KDM5A: variants seen among roughly 807,000 people sequenced by gnomAD.
KDM5A encodes lysine-specific demethylase 5A.
In KDM5A, 42 loss-of-function variants were observed where a neutral mutation model predicts 193.5. The ratio of observed to expected loss-of-function variants is 0.22; its 90% CI spans 0.17 to 0.28. The LOEUF is 0.28. Among genes scored for constraint, KDM5A ranks in the 10% least tolerant of loss-of-function variants. The pLI is 1.00. For synonymous variants in KDM5A, 796 were observed against 718.1 expected (o/e 1.11, Z -1.73); for missense variants, 1,692 against 2,055.1 (o/e 0.82, Z 3.42).
Position 318,091 on chromosome 12 carries a change from C to T in KDM5A, c.2897+15G>A, listed in dbSNP as rs1341265523. ...TTAGTTGTTAAAGAGGCAACTGTCA[C>T]CAAAATGTGTTCACCTTGCCTGTAG... On this transcript the variant is annotated intron_variant, in intron 19 of 27. Transcript: ENST00000399788. The T allele has an allele frequency of 6.2e-7, 1 of 1,604,040 alleles. No individual in the cohort carries two copies. The highest frequency in any genetic ancestry group is 2.2e-5 in the East Asian group (1 of 44,866).
In KDM5A at chr12:389,302, C is replaced by T. The variant is rs1446524140; in HGVS notation, c.-211G>A. Reference sequence around the variant, plus strand: ...TTTCCACTGAGGTTCAGGACTTTTCCGGAAGTTACCGTGCTGTCAAATCCC... The same window carrying T: ...TTTCCACTGAGGTTCAGGACTTTTCTGGAAGTTACCGTGCTGTCAAATCCC... On this transcript the variant is annotated 5_prime_UTR_variant, in exon 1 of 28. Transcript: ENST00000399788. 1.0e-5 allele frequency: 7 copies of T among 686,060 alleles called. No individual in the cohort carries two copies. The highest frequency in any genetic ancestry group is 1.6e-5 in the Non-Finnish European group (6 of 376,800). The allele number at this position is 686,060 out of a possible 1,614,324, so 42.5% of individuals were successfully genotyped here.
At chr12:387,100 G>A (rs556138586) in intron 1 of KDM5A, 15 of 192,148 alleles carry the variant, frequency 7.8e-5, no homozygotes, top group African/African-American at 2.9e-4. Context: ...CGCAGAACAA[G>A]GACAATTTCC....
intron 24 of KDM5A, among the ~76,000 whole-genome samples, chr12:302,073 A>G (rs553323533): frequency 1.3e-3 from 196 of 152,354 alleles, no homozygotes; most frequent in African/African-American, 4.6e-3. Context: ...GGAAGAATCA[A>G]TATCATGAAA....
intron 10 of KDM5A, among the ~76,000 whole-genome samples, chr12:343,346 C>A (rs1437227916): frequency 6.6e-6 from 1 of 152,230 alleles, no homozygotes; most frequent in African/African-American, 2.4e-5. Context: ...CTGGGCAGGG[C>A]ATGGCTGAAC....
chr12:318,665 T>C (rs546985941), intron 18 of KDM5A, among the ~76,000 whole-genome samples: 1 of 152,352 alleles, frequency 6.6e-6, no homozygotes, highest in East Asian at 1.9e-4. Flanking sequence ...TTTTAAAATA[T>C]AGTTGATTCA....
At position 280,478 on chromosome 12, in the gene KDM5A, C is replaced by T. The variant is rs532852568; in HGVS notation, c.*4978G>A. 8.6e-6 allele frequency: 2 copies of T among 232,948 alleles called. No homozygotes were observed. The highest frequency in any genetic ancestry group is 8.5e-6 in the Non-Finnish European group (1 of 117,974). The allele number at this position is 232,948 out of a possible 1,614,324, so 14.4% of individuals were successfully genotyped here. A position where few individuals can be genotyped will look rare whatever the true frequency, so the allele number is the denominator to read the frequency against. ...CCCTGCCCCCGCTCTTTCAACCAAC[C>T]CTCCTCCTAACATACACATACAGAG... On this transcript the variant is annotated 3_prime_UTR_variant, in exon 28 of 28. Transcript: ENST00000399788.
chr12:295,724 A>G lies in KDM5A; in HGVS notation c.4304T>C (p.Leu1435Pro). The change falls in exon 26 of 28, where the codon CTG (leucine) becomes CCG (proline). Residue 1435 changes from leucine (L) to proline (P), a missense_variant. Leu to Pro is a moderately conservative substitution (Grantham distance 98). Transcript: ENST00000399788. Reference sequence around the variant, plus strand: ...TGCCTTAGCTCCAGGTGACAACTCCAGCACTGGAGGTTCCAAACTTCGGGG... The same window carrying G: ...TGCCTTAGCTCCAGGTGACAACTCCGGCACTGGAGGTTCCAAACTTCGGGG... ...LVPRSLEPPV[L>P]ELSPGAKAQL... 1 of 1,614,126 alleles carries G rather than the reference A, an allele frequency of 6.2e-7. No homozygotes were observed. Among genetic ancestry groups the G allele is most frequent in the Non-Finnish European group, 8.5e-7 (1 of 1,180,010 alleles).
Position 350,669 on chromosome 12 carries a change from A to G in KDM5A, c.1260T>C (p.Ser420=). The change falls in exon 10 of 28, where the codon AGT becomes AGC. Residue 420 remains serine, a synonymous_variant. Transcript: ENST00000399788. ...TCCGCCCATCCTTCACCGGAAATCC[A>G]CTTCCAAAGTCTTTTGAGGAGATAT... ...GADISSKDFG[S]GFPVKDGRRK... is the part of the protein sequence containing the mutation. The G allele has an allele frequency of 6.2e-7, 1 of 1,614,082 alleles. No homozygotes were observed.
chr12:299,219 G>A (rs940587386), intron 24 of KDM5A, among the ~76,000 whole-genome samples: 36 of 152,280 alleles, frequency 2.4e-4, no homozygotes, highest in African/African-American at 7.9e-4. Context: ...TACTCCTTGA[G>A]AAGAGCAAAC....
At chr12:336,925 A>G (rs187621154) in intron 10 of KDM5A, among the ~76,000 whole-genome samples, 88 of 152,314 alleles carry the variant, frequency 5.8e-4, no homozygotes, top group African/African-American at 1.9e-3. Flanking sequence ...GAGGACAATA[A>G]AACAGTGATC....
chr12:331,987 C>T, intron 12 of KDM5A, 49 bp from the exon 13 acceptor site: 1 of 1,553,086 alleles, frequency 6.4e-7, no homozygotes, highest in Admixed American at 1.7e-5. Context: ...ATAAAAATAA[C>T]AAACAGAGGA....
At chr12:362,379 T>A (rs1302107805) in intron 5 of KDM5A, among the ~76,000 whole-genome samples, 1 of 151,580 alleles carries the variant, frequency 6.6e-6, no homozygotes, top group Admixed American at 6.6e-5. Context: ...TTTCTTCTGA[T>A]GTATTAGGCT....
At chr12:352,772 CA>C (rs1257040797) in intron 8 of KDM5A, among the ~76,000 whole-genome samples, 4 of 152,174 alleles carry the variant, frequency 2.6e-5, no homozygotes, top group African/African-American at 9.7e-5. Context: ...TTCACACTGC[CA>C]ATCACTATGA....
chr12:295,547 T>C (rs767582573), intron 26 of KDM5A, 26 bp downstream of exon 26: 28 of 1,599,928 alleles, frequency 1.8e-5, no homozygotes, highest in South Asian at 6.6e-5. Context: ...TTTTAACCAC[T>C]GTTTAAATAA....
At chr12:333,779 G>C in intron 11 of KDM5A, 130 bp from the exon 12 acceptor site, 1 of 865,002 alleles carries the variant, frequency 1.2e-6, no homozygotes. Flanking sequence ...CTGAATTCTG[G>C]CAACCATCTT....
chr12:295,629 G>C lies in KDM5A; in HGVS notation c.4399C>G (p.Arg1467Gly). The change falls in exon 26 of 28, where the codon CGG (arginine) becomes GGG (glycine). Residue 1467 changes from arginine to glycine, a missense_variant. Coordinates refer to ENST00000399788, the MANE Select transcript of KDM5A (RefSeq NM_001042603.3). ...VSLDETQHIWRILQATHPPSE... is the reference protein window; with the variant it reads ...VSLDETQHIWGILQATHPPSE... ...GGTGGGTGTGTGGCCTGCAAAATCC[G>C]CCATATGTGTTGAGTCTCGTCCAGA... is the stretch of plus-strand genomic sequence containing the variant. 4 of 1,614,086 alleles carry C rather than the reference G, an allele frequency of 2.5e-6. No individual in the cohort carries two copies. Among genetic ancestry groups the C allele is most frequent in the Non-Finnish European group, 3.4e-6 (4 of 1,180,002 alleles).
rs1164949015 is a variant in KDM5A at position 331,877 on chromosome 12, G to C, written c.1715C>G (p.Ser572Cys). ...FVVTFPRAYH[S>C]GFNQGYNFAE... The stretch of plus-strand genomic sequence containing the variant: ...AAAGTTGTAGCCCTGGTTAAATCCA[G>C]AGTGATAGGCACGAGGAAATGTCAC... Residue 572 changes from serine to cysteine, a missense_variant, in exon 13 of 28, where the codon TCT becomes TGT. Around this residue, in one of 11 missense-constraint regions of KDM5A, gnomAD observed 172 missense variants for 260.3 expected, o/e 0.66. Coordinates refer to ENST00000399788, the MANE Select transcript of KDM5A (RefSeq NM_001042603.3). 3.7e-6 allele frequency: 6 copies of C among 1,613,956 alleles called. No individual in the cohort carries two copies. In the African/African-American group the frequency reaches 6.7e-5, roughly 18 times the overall value.
At chr12:323,235 A>AAAAG in intron 15 of KDM5A, 29 bp from the exon 16 acceptor site, 1 of 1,501,284 alleles carries the variant, frequency 6.7e-7, no homozygotes, top group Non-Finnish European at 8.9e-7. Context: ...AAAAAAAAAA[A>AAAAG]AAAAGAAAAC....
At chr12:346,467 G>C (rs1043482737) in intron 10 of KDM5A, among the ~76,000 whole-genome samples, 1 of 152,094 alleles carries the variant, frequency 6.6e-6, no homozygotes, top group Non-Finnish European at 1.5e-5. Context: ...CAAAAAAAGA[G>C]AATTTTAGAC....
Sources: allele counts gnomAD v4.1 joint callset (sites outside exome capture counted in the v4.1 genomes callset), GRCh38; gene constraint gnomAD v4.1.1; regional missense constraint gnomAD v4.1.1; transcripts MANE v1.5; gene names NCBI Gene and HGNC (gene_info 2026-07-23, HGNC 2026-07-21).